Variants in GALNT1 observed in about 807,000 individuals in gnomAD.
GALNT1 encodes the protein GalNAc transferase 1.
In GALNT1, 17 loss-of-function variants were observed where a neutral mutation model predicts 65.7. That is an observed-to-expected ratio of 0.26 (90% CI 0.18 to 0.39). The LOEUF is 0.39. GALNT1 is among the 10% of genes least tolerant of loss of function. GALNT1 has a pLI of 1.00. For missense variants in GALNT1, 460 were observed against 672.8 expected (o/e 0.68, Z 3.50); for synonymous variants, 210 against 219.7 (o/e 0.96, Z 0.39).
chr18:35,650,238 G>A (rs918772360), intron 1 of GALNT1, among the ~76,000 whole-genome samples: 25 of 152,100 alleles, frequency 1.6e-4, no homozygotes, highest in African/African-American at 5.6e-4. Flanking sequence ...TGATGCCCCC[G>A]AGCCGTAAAA....
intron 11 of GALNT1, among the ~76,000 whole-genome samples, chr18:35,707,381 A>G (rs1272551573): frequency 6.6e-6 from 1 of 152,150 alleles, no homozygotes; most frequent in Non-Finnish European, 1.5e-5. Flanking sequence ...CTCTCTCTGA[A>G]TGGAGACTAG....
intron 1 of GALNT1, among the ~76,000 whole-genome samples, chr18:35,647,900 G>A (rs1310276585): frequency 6.6e-6 from 1 of 151,894 alleles, no homozygotes; most frequent in African/African-American, 2.4e-5. Flanking sequence ...ATAGGATCAG[G>A]GTTAGGCGTG....
At chr18:35,677,257 T>A (rs2047724281) in intron 3 of GALNT1, among the ~76,000 whole-genome samples, 1 of 152,252 alleles carries the variant, frequency 6.6e-6, no homozygotes, top group Non-Finnish European at 1.5e-5. Context: ...CTTTGTCTAA[T>A]AGGGTCTTTG....
At chr18:35,628,936 C>G (rs2046961888) in intron 1 of GALNT1, among the ~76,000 whole-genome samples, 1 of 152,118 alleles carries the variant, frequency 6.6e-6, no homozygotes, top group South Asian at 2.1e-4. Context: ...GCTTCAGTAG[C>G]TGATTCGATC....
intron 9 of GALNT1, 141 bp downstream of exon 9, chr18:35,692,461 C>G: frequency 1.9e-6 from 1 of 528,890 alleles, no homozygotes; most frequent in Non-Finnish European, 3.1e-6. Flanking sequence ...CTTCCTCCTT[C>G]TTACCACGTA....
chr18:35,643,027 A>G (rs776281292), intron 1 of GALNT1, among the ~76,000 whole-genome samples: 1 of 152,104 alleles, frequency 6.6e-6, no homozygotes, highest in Non-Finnish European at 1.5e-5. Context: ...CCAAGGAGTC[A>G]GGTCCTGTGG....
At chr18:35,691,766 T>G (rs1322423092) in intron 8 of GALNT1, among the ~76,000 whole-genome samples, 1 of 152,208 alleles carries the variant, frequency 6.6e-6, no homozygotes, top group Admixed American at 6.5e-5. Context: ...CTGACATTGT[T>G]ACTAGTCCAT....
chr18:35,586,446 T>C (rs929358198), intron 1 of GALNT1, among the ~76,000 whole-genome samples: 3 of 152,200 alleles, frequency 2.0e-5, no homozygotes, highest in Non-Finnish European at 4.4e-5. Flanking sequence ...AAGTCCAGTT[T>C]CTCAGTTTAT....
intron 3 of GALNT1, among the ~76,000 whole-genome samples, chr18:35,676,984 A>G (rs1476095961): frequency 6.6e-6 from 1 of 152,182 alleles, no homozygotes; most frequent in Non-Finnish European, 1.5e-5. Context: ...ACATGTTGAT[A>G]TTTAATTATG....
At chr18:35,703,197 T>C (rs1198558415) in intron 10 of GALNT1, among the ~76,000 whole-genome samples, 1 of 152,122 alleles carries the variant, frequency 6.6e-6, no homozygotes, top group Non-Finnish European at 1.5e-5. Flanking sequence ...GTGAGAACTA[T>C]GTTTACATTG....
chr18:35,670,149 G>A lies in GALNT1; in HGVS notation c.314+6347G>A, dbSNP rs556125561. ...CTACAAAAAAATTAAATAACTAGCT[G>A]GACACAGTGGTGCATGCCTATAGTC... On this transcript the variant is annotated intron_variant, in intron 3 of 11. Transcript: ENST00000269195. Among the ~76,000 whole-genome samples the A allele has an allele frequency of 3.3e-5, 5 of 152,046 alleles. No individual in the cohort carries two copies. The East Asian group carries it at 9.7e-4, about 29-fold the overall frequency.
chr18:35,651,703 T>C (rs1052851447), intron 1 of GALNT1, among the ~76,000 whole-genome samples: 5 of 152,200 alleles, frequency 3.3e-5, no homozygotes, highest in African/African-American at 1.2e-4. Flanking sequence ...AAAAGTTGCT[T>C]AGTAAGTGGA....
chr18:35,607,499 A>T (rs1598782713), intron 1 of GALNT1, among the ~76,000 whole-genome samples: 1 of 152,120 alleles, frequency 6.6e-6, no homozygotes, highest in Admixed American at 6.6e-5. Flanking sequence ...TACTAGTTAC[A>T]TACAGAGGCT....
chr18:35,588,917 T>A lies in GALNT1; in HGVS notation c.-104+7055T>A, dbSNP rs544403912. Among the ~76,000 whole-genome samples, 131 of 152,354 alleles carry A rather than the reference T, an allele frequency of 8.6e-4. 1 individual carries two copies. Among genetic ancestry groups the A allele is most frequent in the African/African-American group, 3.0e-3 (124 of 41,588 alleles). ...CTTGGTGTTGCTGCCTCCTGATGTC[T>A]TTTTCATTCAGTTTGAGTTCATCCT... On this transcript the variant is annotated intron_variant, in intron 1 of 11. Coordinates refer to ENST00000269195, the MANE Select transcript of GALNT1 (RefSeq NM_020474.4).
At chr18:35,603,855 C>G (rs1379164523) in intron 1 of GALNT1, among the ~76,000 whole-genome samples, 2 of 152,118 alleles carry the variant, frequency 1.3e-5, no homozygotes, top group Non-Finnish European at 2.9e-5. Context: ...TCTCTTAAAG[C>G]TAAAGGTATC....
chr18:35,679,024 C>G (rs904612511), intron 4 of GALNT1, among the ~76,000 whole-genome samples: 2 of 152,066 alleles, frequency 1.3e-5, no homozygotes, highest in Non-Finnish European at 1.5e-5. Flanking sequence ...TATAATCACA[C>G]AAGACATTTA....
chr18:35,679,882 T>G (rs1214512957), intron 4 of GALNT1, among the ~76,000 whole-genome samples: 5 of 152,190 alleles, frequency 3.3e-5, no homozygotes, highest in Non-Finnish European at 7.3e-5. Flanking sequence ...ATGAGACACA[T>G]CTAAGGCACC....
intron 10 of GALNT1, 135 bp downstream of exon 10, chr18:35,703,130 G>A: frequency 1.8e-6 from 1 of 551,086 alleles, no homozygotes; most frequent in African/African-American, 2.0e-5. Flanking sequence ...TTTAGGTGAA[G>A]GAAGCTTTCA....
intron 1 of GALNT1, among the ~76,000 whole-genome samples, chr18:35,587,176 T>C (rs1487909134): frequency 1.3e-5 from 2 of 152,246 alleles, no homozygotes; most frequent in Non-Finnish European, 2.9e-5. Context: ...TGTAGAAATA[T>C]AATTAACTTT....
Sources: gnomAD v4.1 joint callset for allele counts (sites outside exome capture counted in the v4.1 genomes callset) on GRCh38, gnomAD v4.1.1 for gene constraint, MANE v1.5 for transcripts, NCBI Gene and HGNC (gene_info 2026-07-23, HGNC 2026-07-21) for gene names.